PBX3: variants seen among roughly 807,000 people sequenced by gnomAD.
PBX3 encodes the protein PBX homeobox 3.
In PBX3, 14 loss-of-function variants were observed where a neutral mutation model predicts 48.5. The observed-to-expected ratio is 0.29, with a 90% CI of 0.19 to 0.45. The LOEUF (loss-of-function observed/expected upper bound fraction) is 0.45. Among genes scored for constraint, PBX3 ranks in the 20% least tolerant of loss-of-function variants. PBX3 has a pLI of 1.00. For missense variants in PBX3, 386 were observed against 546.7 expected (o/e 0.71, Z 2.93); for synonymous variants, 210 against 200.3 (o/e 1.05, Z -0.41).
chr9:125,817,834 C>G (rs1838511658), intron 2 of PBX3, among the ~76,000 whole-genome samples: 1 of 152,100 alleles, frequency 6.6e-6, no homozygotes, highest in Non-Finnish European at 1.5e-5. Context: ...CGGTGGAATT[C>G]CTTGGAGATA....
At chr9:125,872,641 TCCTAGCTA>T (rs1840152831) in intron 2 of PBX3, among the ~76,000 whole-genome samples, 1 of 151,904 alleles carries the variant, frequency 6.6e-6, no homozygotes. Flanking sequence ...ACACCTGTAC[TCCTAGCTA>T]CTCTGGAGGC....
At chr9:125,895,046 A>T (rs72752645) in intron 2 of PBX3, among the ~76,000 whole-genome samples, 311 of 152,236 alleles carry the variant, frequency 2.0e-3, no homozygotes, top group Non-Finnish European at 3.6e-3. Context: ...AGTCTCCTCA[A>T]AAAAGTCACT....
At chr9:125,877,994 T>A (rs1840296322) in intron 2 of PBX3, among the ~76,000 whole-genome samples, 2 of 152,234 alleles carry the variant, frequency 1.3e-5, no homozygotes, top group Non-Finnish European at 2.9e-5. Flanking sequence ...AGCTTTATAT[T>A]CCATTCAGTG....
intron 2 of PBX3, among the ~76,000 whole-genome samples, chr9:125,842,042 C>T (rs927661436): frequency 1.3e-5 from 2 of 152,120 alleles, no homozygotes; most frequent in African/African-American, 2.4e-5. Context: ...TATATTGTCT[C>T]TCAACCTCTA....
At chr9:125,960,561 T>G in intron 5 of PBX3, 123 bp from the exon 6 acceptor site, 3 of 774,232 alleles carry the variant, frequency 3.9e-6, no homozygotes, top group Non-Finnish European at 6.5e-6. Flanking sequence ...CCATAGGATG[T>G]GAGGTTGCAG....
chr9:125,792,653 G>A (rs1837645287), intron 2 of PBX3, among the ~76,000 whole-genome samples: 1 of 151,722 alleles, frequency 6.6e-6, no homozygotes, highest in Non-Finnish European at 1.5e-5. Context: ...AAAATTGGAT[G>A]TGGATAAATT....
chr9:125,943,650 G>C lies in PBX3; in HGVS notation c.843+8043G>C, dbSNP rs564010199. On this transcript the variant is annotated intron_variant, in intron 5 of 8. Coordinates refer to ENST00000373489, the MANE Select transcript of PBX3 (RefSeq NM_006195.6). ...GCTAATAGGCCAATATATAAGCCAG[G>C]GTCCCAGCAGAAAACAGATGTCACA... 1.4e-3 allele frequency among the ~76,000 whole-genome samples: 208 copies of C among 152,196 alleles called. 1 individual carries two copies. Among genetic ancestry groups the C allele is most frequent in the African/African-American group, 4.7e-3 (197 of 41,518 alleles).
intron 2 of PBX3, among the ~76,000 whole-genome samples, chr9:125,809,650 G>A (rs1408964717): frequency 6.6e-6 from 1 of 152,018 alleles, no homozygotes; most frequent in African/African-American, 2.4e-5. Context: ...CTCAGGGTGG[G>A]CGAAAGATTT....
intron 2 of PBX3, among the ~76,000 whole-genome samples, chr9:125,853,824 T>G (rs976140030): frequency 2.6e-5 from 4 of 152,204 alleles, no homozygotes; most frequent in Admixed American, 6.5e-5. Context: ...GAACACAATT[T>G]AAAAATAATT....
At chr9:125,760,405 T>A (rs1366050972) in intron 2 of PBX3, among the ~76,000 whole-genome samples, 1 of 151,380 alleles carries the variant, frequency 6.6e-6, no homozygotes, top group Non-Finnish European at 1.5e-5. Context: ...AGTCTTAGGT[T>A]TTTTTTTTGA....
At chr9:125,887,385 G>A (rs992950902) in intron 2 of PBX3, among the ~76,000 whole-genome samples, 2 of 152,140 alleles carry the variant, frequency 1.3e-5, no homozygotes, top group Non-Finnish European at 2.9e-5. Flanking sequence ...CTAAAGAAAA[G>A]CACACGCTAT....
intron 3 of PBX3, among the ~76,000 whole-genome samples, chr9:125,921,017 G>C (rs1841445379): frequency 2.0e-5 from 3 of 152,196 alleles, no homozygotes. Flanking sequence ...TTTCACATTA[G>C]AGATTGTGCA....
chr9:125,829,345 C>G (rs1057132531), intron 2 of PBX3, among the ~76,000 whole-genome samples: 11 of 151,928 alleles, frequency 7.2e-5, no homozygotes. Flanking sequence ...CAAATGCAAC[C>G]GAGGTACATT....
chr9:125,852,862 G>C (rs1396694177), intron 2 of PBX3, among the ~76,000 whole-genome samples: 5 of 152,106 alleles, frequency 3.3e-5, no homozygotes, highest in Non-Finnish European at 1.5e-5. Flanking sequence ...CTAGGAACTT[G>C]TAAATGCAAA....
At chr9:125,964,709 CAGA>C (rs1842495676) in intron 8 of PBX3, among the ~76,000 whole-genome samples, 1 of 152,100 alleles carries the variant, frequency 6.6e-6, no homozygotes, top group South Asian at 2.1e-4. Context: ...ACTGTGATCA[CAGA>C]AGAAGAAACA....
At chr9:125,915,434 A>G (rs1841304392) in intron 2 of PBX3, among the ~76,000 whole-genome samples, 2 of 152,134 alleles carry the variant, frequency 1.3e-5, no homozygotes, top group Non-Finnish European at 2.9e-5. Context: ...CCTTTTTCTA[A>G]GGATCTAGTC....
chr9:125,875,306 A>C (rs191830501), intron 2 of PBX3, among the ~76,000 whole-genome samples: 28 of 152,234 alleles, frequency 1.8e-4, no homozygotes, highest in Admixed American at 1.4e-3. Context: ...TTAGTACTAT[A>C]ATGTAAGCAC....
At chr9:125,817,708 T>C (rs1379530715) in intron 2 of PBX3, among the ~76,000 whole-genome samples, 2 of 152,240 alleles carry the variant, frequency 1.3e-5, no homozygotes, top group Non-Finnish European at 2.9e-5. Context: ...GCTTTGATTC[T>C]AACTCACTGT....
chr9:125,925,277 G>A (rs925299234), intron 3 of PBX3, among the ~76,000 whole-genome samples: 5 of 152,054 alleles, frequency 3.3e-5, no homozygotes, highest in Non-Finnish European at 7.4e-5. Context: ...ACAAGATGCC[G>A]TAGAGCTGTG....
Sources: gnomAD v4.1 joint callset for allele counts (sites outside exome capture counted in the v4.1 genomes callset) on GRCh38, gnomAD v4.1.1 for gene constraint, MANE v1.5 for transcripts, NCBI Gene and HGNC (gene_info 2026-07-23, HGNC 2026-07-21) for gene names.